Variants in CACNA1C observed in about 807,000 individuals in gnomAD.
The protein encoded by CACNA1C is voltage-dependent L-type calcium channel subunit alpha-1C.
Under a neutral mutation model 229.0 loss-of-function variants are expected in CACNA1C, and 30 were observed. The observed-to-expected ratio is 0.13, with a 90% CI of 0.10 to 0.18. The LOEUF is 0.18. Ranked by LOEUF, CACNA1C falls within the 10% of genes least tolerant of loss-of-function variation. The pLI, the probability that CACNA1C is intolerant of heterozygous loss-of-function variation, is 1.00. For missense variants in CACNA1C, 1,658 were observed against 2,845.0 expected (o/e 0.58, Z 9.49); for synonymous variants, 1,114 against 1,132.5 (o/e 0.98, Z 0.33).
rs374541663 is a variant in CACNA1C at position 2,015,089 on chromosome 12, C to T, written c.139+43888C>T. ...AGACTGGATCTTCTGCTTCTCCAAA[C>T]CCATCCCTCTGAGGCAGGGCTGAGA... On this transcript the variant is annotated intron_variant, in intron 1 of 46. Transcript: ENST00000682462. Among the ~76,000 whole-genome samples, 23 of 152,306 alleles carry T rather than the reference C, an allele frequency of 1.5e-4. No homozygotes were observed. The South Asian group carries it at 4.6e-3, about 30-fold the overall frequency.
chr12:2,467,979 C>G lies in CACNA1C; in HGVS notation c.757+10273C>G, dbSNP rs2099569450. Among the ~76,000 whole-genome samples, 1 of 152,202 alleles carries G rather than the reference C, an allele frequency of 6.6e-6. No homozygotes were observed. The highest frequency in any genetic ancestry group is 2.4e-5 in the African/African-American group (1 of 41,456). ...TTCTACCTGTGCAGCCCTGTGAGCT[C>G]CCAGCATCCGAGACCTCTTGGAGAG... On this transcript the variant is annotated intron_variant, in intron 5 of 46. Coordinates refer to ENST00000399655, the MANE Select transcript of CACNA1C (RefSeq NM_000719.7). The surrounding 1 kb of genome is among the most constrained non-coding windows in gnomAD (Gnocchi z 4.6).
At chr12:2,064,369 T>C (rs866975351) in intron 1 of CACNA1C, among the ~76,000 whole-genome samples, 2 of 152,176 alleles carry the variant, frequency 1.3e-5, no homozygotes, top group South Asian at 2.1e-4. Flanking sequence ...GCCTGGGGAC[T>C]GTTGGGAGAG....
chr12:2,294,446 G>A (rs1591936979), intron 3 of CACNA1C, among the ~76,000 whole-genome samples: 1 of 152,164 alleles, frequency 6.6e-6, no homozygotes, highest in Non-Finnish European at 1.5e-5. Context: ...AAGCTGAGCA[G>A]GCAGTCAGAA....
intron 13 of CACNA1C, among the ~76,000 whole-genome samples, chr12:2,572,173 G>A (rs1323597274): frequency 6.6e-6 from 1 of 151,678 alleles, no homozygotes; most frequent in African/African-American, 2.4e-5. Context: ...AGAGTTCCAT[G>A]CTAGTGGTCC....
Position 2,689,066 on chromosome 12 carries a change from G to C in CACNA1C, c.6117+287G>C, listed in dbSNP as rs1569290759. On this transcript the variant is annotated intron_variant, in intron 46 of 46. Transcript: ENST00000399655. This position sits in a 1 kb window ranked among gnomAD's most constrained non-coding sequence, Gnocchi z 4.2. ...CTGCTCGACATGCAAATGTGAGCCT[G>C]GCTGCCTTTATACACAGACAGGCAA... 6.6e-6 allele frequency among the ~76,000 whole-genome samples: 1 copy of C among 152,168 alleles called. No homozygotes were observed. Among genetic ancestry groups the C allele is most frequent in the Non-Finnish European group, 1.5e-5 (1 of 68,020 alleles).
chr12:2,510,339 G>A (rs11062250), intron 8 of CACNA1C, among the ~76,000 whole-genome samples: 13,613 of 152,186 alleles, frequency 0.089, 699 homozygotes, highest in East Asian at 0.15. Flanking sequence ...CTTCCATCCA[G>A]CCTCAAGCCT....
intron 1 of CACNA1C, among the ~76,000 whole-genome samples, chr12:1,984,633 GA>G (rs940486609): frequency 6.6e-6 from 1 of 151,788 alleles, no homozygotes; most frequent in Admixed American, 6.6e-5. Context: ...TTTGAGAGGA[GA>G]AAAAATAAAT....
rs1392602126 is a variant in CACNA1C, at chr12:2,029,866, C to T, written c.139+58665C>T. Among the ~76,000 whole-genome samples, 1 of 152,230 alleles carries T rather than the reference C, an allele frequency of 6.6e-6. No individual in the cohort carries two copies. Among genetic ancestry groups the T allele is most frequent in the Non-Finnish European group, 1.5e-5 (1 of 68,038 alleles). ...GGTGGGACCTGCTCTGTTAGGTTCCCTGCCTGTCACTGCTCTTGTGCCCAG... is the reference window on the plus strand; with the variant it reads ...GGTGGGACCTGCTCTGTTAGGTTCCTTGCCTGTCACTGCTCTTGTGCCCAG... On this transcript the variant is annotated intron_variant, in intron 1 of 46. Coordinates refer to the CACNA1C transcript ENST00000682462. The surrounding 1 kb of genome is among the most constrained non-coding windows in gnomAD (Gnocchi z 4.9).
At chr12:2,567,466 G>A in intron 12 of CACNA1C, 103 bp from the exon 13 acceptor site, 1 of 715,468 alleles carries the variant, frequency 1.4e-6, no homozygotes. Flanking sequence ...TGTCATGGGG[G>A]ATCTTTTTTC....
At chr12:2,450,613 T>G (rs2099360790) in intron 4 of CACNA1C, among the ~76,000 whole-genome samples, 1 of 150,886 alleles carries the variant, frequency 6.6e-6, no homozygotes, top group South Asian at 2.1e-4. Flanking sequence ...ACATCTGTCT[T>G]GTAATAGGAG....
intron 3 of CACNA1C, among the ~76,000 whole-genome samples, chr12:2,303,967 G>C (rs113522522): frequency 0.011 from 1,627 of 152,350 alleles, 23 homozygotes; most frequent in African/African-American, 0.037. Context: ...CTTGGCGTCT[G>C]GTGTGGAGTG....
intron 3 of CACNA1C, among the ~76,000 whole-genome samples, chr12:2,422,270 A>G (rs1207424354): frequency 6.6e-6 from 1 of 152,178 alleles, no homozygotes; most frequent in Non-Finnish European, 1.5e-5. Flanking sequence ...GCAGACATAC[A>G]TGGCTTTTGG....
At chr12:2,342,786 C>T (rs552105901) in intron 3 of CACNA1C, among the ~76,000 whole-genome samples, 10 of 152,320 alleles carry the variant, frequency 6.6e-5, no homozygotes, top group Admixed American at 5.9e-4. Context: ...TTGCCCTTAA[C>T]GTTAAATCAG....
chr12:2,523,476 T>C (rs948851499), intron 9 of CACNA1C, among the ~76,000 whole-genome samples: 1 of 152,028 alleles, frequency 6.6e-6, no homozygotes, highest in Non-Finnish European at 1.5e-5. Context: ...GCAAGTACGG[T>C]GTGAGGAATG....
Position 2,651,473 on chromosome 12 carries a change from C to T in CACNA1C, c.3946-167C>T, listed in dbSNP as rs548997582. On this transcript the variant is annotated intron_variant, in intron 31 of 46. Coordinates refer to ENST00000399655, the MANE Select transcript of CACNA1C (RefSeq NM_000719.7). This position sits in a 1 kb window ranked among gnomAD's most constrained non-coding sequence, Gnocchi z 5.4. ...AGACCATGGGGCTGGGCTGTCCACT[C>T]ATTAAAGTGGGCGGCCGCCCTCCCA... 52 of 894,548 alleles carry T rather than the reference C, an allele frequency of 5.8e-5. No homozygotes were observed. In the African/African-American group the frequency reaches 7.9e-4, roughly 14 times the overall value. The allele number at this position is 894,548 out of a possible 1,614,324, so 55.4% of individuals were successfully genotyped here. A position where few individuals can be genotyped will look rare whatever the true frequency, so the allele number is the denominator to read the frequency against.
At chr12:2,528,258 G>A (rs924213170) in intron 9 of CACNA1C, among the ~76,000 whole-genome samples, 4 of 152,146 alleles carry the variant, frequency 2.6e-5, no homozygotes, top group Non-Finnish European at 4.4e-5. Context: ...GTAAAATGAC[G>A]GGGGTTAGGT....
At chr12:2,571,961 CCTT>C (rs2054685696) in intron 13 of CACNA1C, among the ~76,000 whole-genome samples, 1 of 151,888 alleles carries the variant, frequency 6.6e-6, no homozygotes, top group South Asian at 2.1e-4. Context: ...CAAGTGCATG[CCTT>C]CTTCTTTTAA....
intron 3 of CACNA1C, among the ~76,000 whole-genome samples, chr12:2,249,461 C>T (rs1464208368): frequency 6.6e-6 from 1 of 152,224 alleles, no homozygotes; most frequent in Non-Finnish European, 1.5e-5. Flanking sequence ...AAAATATTTA[C>T]TACCTGACCC....
chr12:2,025,591 C>T (rs1175549642), intron 1 of CACNA1C, among the ~76,000 whole-genome samples: 3 of 152,194 alleles, frequency 2.0e-5, no homozygotes, highest in Non-Finnish European at 4.4e-5. Context: ...TCTCTCACAT[C>T]TCAGCCTCCC....
Sources: allele counts gnomAD v4.1 joint callset (sites outside exome capture counted in the v4.1 genomes callset), GRCh38; gene constraint gnomAD v4.1.1; non-coding constraint Gnocchi (gnomAD v3.1); transcripts MANE v1.5; gene names NCBI Gene and HGNC (gene_info 2026-07-23, HGNC 2026-07-21).